Variants in MZT2A observed in about 807,000 individuals in gnomAD.
MZT2A encodes mitotic-spindle organizing protein 2A.
A neutral mutation model predicts 12.4 loss-of-function variants in MZT2A; 8 were observed. The ratio of observed to expected loss-of-function variants is 0.64; its 90% CI spans 0.38 to 1.16. MZT2A has a LOEUF of 1.16. MZT2A is among the 50% of genes most tolerant of loss of function. MZT2A has a pLI of 0.01. For synonymous variants in MZT2A, 88 were observed against 107.5 expected (o/e 0.82, Z 1.12); for missense variants, 181 against 223.6 (o/e 0.81, Z 1.22).
At chr2:131,492,472 G>C (rs1156596652), upstream of MZT2A, 29 of 1,140,150 alleles carry the variant, frequency 2.5e-5, no homozygotes, top group Admixed American at 7.8e-4. Flanking sequence ...CTGGCCTCCC[G>C]GGCTGCCCTG....
upstream of MZT2A, chr2:131,492,839 T>G (rs1679402221): frequency 4.1e-6 from 6 of 1,470,436 alleles, no homozygotes; most frequent in Non-Finnish European, 5.5e-6. Context: ...CATTCCTTGC[T>G]AGGGAGAAAG....
At chr2:131,493,305 TC>T (rs541507484), upstream of MZT2A, among the ~76,000 whole-genome samples, 11 of 152,278 alleles carry the variant, frequency 7.2e-5, no homozygotes, top group South Asian at 2.1e-4. Flanking sequence ...GGCTGAGTCT[TC>T]CTGCCACTCC....
chr2:131,479,442 C>T (rs746568321), downstream of MZT2A: 55 of 1,613,968 alleles, frequency 3.4e-5, 1 homozygote, highest in South Asian at 3.3e-4. Flanking sequence ...AGTCCTGGAC[C>T]GGATCCGCAA....
chr2:131,482,415 G>A (rs1007214433), downstream of MZT2A: 66 of 1,347,532 alleles, frequency 4.9e-5, no homozygotes, highest in Non-Finnish European at 6.1e-5. Context: ...GTGCAGAGAA[G>A]GGCTTAGTGA....
At position 131,470,426 on chromosome 2, in the gene MZT2A, G is replaced by T; in HGVS notation, c.394-83C>A. On this transcript the variant is annotated intron_variant and NMD_transcript_variant, in intron 3 of 4. Coordinates refer to the MZT2A transcript ENST00000427024. The stretch of plus-strand genomic sequence containing the variant: ...CATTTAGTTTACACTATATTAAAGA[G>T]TTACAAGTGACAGCCAATGCTGGTT... 1.4e-5 allele frequency: 16 copies of T among 1,165,946 alleles called. 1 individual carries two copies. Among genetic ancestry groups the T allele is most frequent in the Non-Finnish European group, 1.8e-5 (16 of 901,162 alleles). The allele number at this position is 1,165,946 out of a possible 1,614,324, so 72.2% of individuals were successfully genotyped here.
In MZT2A at chr2:131,472,221, A is replaced by C. The variant is rs3101999; in HGVS notation, c.279-39T>G. On this transcript the variant is annotated intron_variant and NMD_transcript_variant, in intron 2 of 4. Coordinates refer to the MZT2A transcript ENST00000427024. The stretch of plus-strand genomic sequence containing the variant: ...AGCAAAAGAGGAAATAATTTGTGTT[A>C]CTTTCTGTGTAGCAACTATATGTAA... 6.0e-3 allele frequency: 7,608 copies of C among 1,272,786 alleles called. 39 individuals carry two copies. The highest frequency in any genetic ancestry group is 0.019 in the Middle Eastern group (86 of 4,620). The allele number at this position is 1,272,786 out of a possible 1,614,324, so 78.8% of individuals were successfully genotyped here. A position where few individuals can be genotyped will look rare whatever the true frequency, so the allele number is the denominator to read the frequency against.
At chr2:131,492,921 C>T (rs528660011), upstream of MZT2A, 4 of 1,520,158 alleles carry the variant, frequency 2.6e-6, no homozygotes, top group East Asian at 5.1e-5. Context: ...CCACTCCCTC[C>T]CCCCGCACTC....
chr2:131,472,078 T>C lies in MZT2A; in HGVS notation c.385A>G (p.Thr129Ala), dbSNP rs1202617726. The change falls in exon 3 of 5, where the codon ACA becomes GCA. Residue 129 changes from threonine to alanine, a missense_variant and NMD_transcript_variant. By Grantham distance (58) the Thr-to-Ala change is moderately conservative. Coordinates refer to the MZT2A transcript ENST00000427024. ...AACCGAACTGCCTACCTTGTGCATGTCCTCCTTCTCCTGCCACACCATGCG... is the reference window on the plus strand; with the variant it reads ...AACCGAACTGCCTACCTTGTGCATGCCCTCCTTCTCCTGCCACACCATGCG... The C allele has an allele frequency of 9.3e-6, 12 of 1,290,280 alleles. No individual in the cohort carries two copies. In the Admixed American group the frequency reaches 2.8e-4, roughly 30 times the overall value. 79.9% of individuals were successfully genotyped at this position (1,290,280 alleles called of 1,614,324 possible). A position where few individuals can be genotyped will look rare whatever the true frequency, so the allele number is the denominator to read the frequency against.
chr2:131,479,412 G>A (rs550660894), downstream of MZT2A: 35 of 1,614,120 alleles, frequency 2.2e-5, no homozygotes, highest in Non-Finnish European at 2.2e-5. Flanking sequence ...TTACACCATC[G>A]GCAAGGAGAT....
chr2:131,488,551 A>C (rs1679148831), intron 2 of MZT2A, among the ~76,000 whole-genome samples: 1 of 146,862 alleles, frequency 6.8e-6, no homozygotes, highest in Admixed American at 6.7e-5. Flanking sequence ...TTACTCCGAC[A>C]ACCCCCCTGC....
chr2:131,483,732 AC>A (rs1446336954), downstream of MZT2A, among the ~76,000 whole-genome samples: 17 of 142,394 alleles, frequency 1.2e-4, no homozygotes, highest in African/African-American at 3.3e-4. Flanking sequence ...AAACAAACAA[AC>A]AAACAAAAAA....
chr2:131,482,918 G>A (rs1678911885), downstream of MZT2A: 1 of 1,567,076 alleles, frequency 6.4e-7, no homozygotes, highest in Non-Finnish European at 8.6e-7. Flanking sequence ...GCAATTAAAG[G>A]TTCTGTATAA....
chr2:131,486,368 T>G (rs7598498), intron 2 of MZT2A: 2 of 163,738 alleles, frequency 1.2e-5, no homozygotes, highest in East Asian at 3.9e-4. Context: ...ACAGTCCCTC[T>G]GCAGGCCAGG....
chr2:131,479,178 G>A (rs1190506743), downstream of MZT2A: 10 of 1,408,416 alleles, frequency 7.1e-6, no homozygotes, highest in Non-Finnish European at 7.6e-6. Context: ...CACTGCCACT[G>A]TTGACCTATG....
At chr2:131,490,223 G>A (rs1679232945) in intron 2 of MZT2A, 1 of 815,056 alleles carries the variant, frequency 1.2e-6, no homozygotes, top group Admixed American at 5.7e-5. Context: ...AGGCGGGCAA[G>A]GGGGCTGAGT....
intron 2 of MZT2A, chr2:131,491,380 C>A: frequency 3.7e-6 from 1 of 269,746 alleles, no homozygotes; most frequent in Admixed American, 5.0e-5. Flanking sequence ...GCCTGCCCTG[C>A]TCCCTGGGCA....
At chr2:131,472,921 A>G (rs754947289) in intron 2 of MZT2A, among the ~76,000 whole-genome samples, 23,488 of 148,624 alleles carry the variant, frequency 0.16, 3,465 homozygotes, top group African/African-American at 0.39. Flanking sequence ...GTCCCCCCCC[A>G]CCAATATTAG....
chr2:131,474,832 T>C (rs1461237808), intron 2 of MZT2A, among the ~76,000 whole-genome samples: 1 of 143,174 alleles, frequency 7.0e-6, no homozygotes, highest in Non-Finnish European at 1.5e-5. Context: ...TCTTCTCTAA[T>C]TTCAAATTCT....
At position 131,484,039 on chromosome 2, in the gene MZT2A, T is replaced by C. The variant is rs1336769071; in HGVS notation, c.*22A>G. 1.3e-6 allele frequency: 2 copies of C among 1,586,166 alleles called. No homozygotes were observed. Among genetic ancestry groups the C allele is most frequent in the Non-Finnish European group, 1.7e-6 (2 of 1,161,200 alleles). Reference sequence around the variant, plus strand: ...ATGTAGCCTTTGCTGGGGACAAAGATGTGACAAGTCTCTGCCCCATCCTAG... The same window carrying C: ...ATGTAGCCTTTGCTGGGGACAAAGACGTGACAAGTCTCTGCCCCATCCTAG... On this transcript the variant is annotated 3_prime_UTR_variant, in exon 3 of 3. Coordinates refer to ENST00000309451, the MANE Select transcript of MZT2A (RefSeq NM_001085365.2).
Sources: allele counts gnomAD v4.1 joint callset (sites outside exome capture counted in the v4.1 genomes callset), GRCh38; gene constraint gnomAD v4.1.1; transcripts MANE v1.5; gene names NCBI Gene and HGNC (gene_info 2026-07-23, HGNC 2026-07-21).